Variants in PKNOX2 observed in about 807,000 individuals in gnomAD.
PKNOX2 encodes the protein PBX/knotted 1 homeobox 2.
Under a neutral mutation model 53.1 loss-of-function variants are expected in PKNOX2, and 14 were observed. The observed-to-expected ratio is 0.26, with a 90% CI of 0.17 to 0.41. The LOEUF (loss-of-function observed/expected upper bound fraction) is 0.41. Among genes scored for constraint, PKNOX2 ranks in the 10% least tolerant of loss-of-function variants. The probability of loss-of-function intolerance (pLI) is 1.00; values close to 1 mark genes in which losing one functional copy is unlikely to be tolerated. For synonymous variants in PKNOX2, 257 were observed against 242.8 expected, an observed-to-expected ratio of 1.06 and a Z score of -0.54; for missense variants, 496 against 602.8, an observed-to-expected ratio of 0.82 and a Z score of 1.85.
rs1174078935 is a variant in PKNOX2 at position 125,352,456 on chromosome 11, T to G, written c.87+1064T>G. Among the ~76,000 whole-genome samples, 3 of 152,178 alleles carry G rather than the reference T, an allele frequency of 2.0e-5. No homozygotes were observed. The highest frequency in any genetic ancestry group is 7.2e-5 in the African/African-American group (3 of 41,430). On this transcript the variant is annotated intron_variant, in intron 4 of 12. Transcript: ENST00000298282. The surrounding 1 kb of genome is among the most constrained non-coding windows in gnomAD (Gnocchi z 4.1). ...CTGCCATCCCTCACTCATTGGCATTTTCAAACACAGTGGTTCTCATGGGCC... is the reference window on the plus strand; with the variant it reads ...CTGCCATCCCTCACTCATTGGCATTGTCAAACACAGTGGTTCTCATGGGCC...
chr11:125,343,106 T>C (rs73618151), intron 3 of PKNOX2, among the ~76,000 whole-genome samples: 38,597 of 151,746 alleles, frequency 0.25, 11,746 homozygotes, highest in African/African-American at 0.73. Flanking sequence ...GCCTCCCTCC[T>C]GCCTCCATTC....
intron 5 of PKNOX2, among the ~76,000 whole-genome samples, chr11:125,377,719 T>C (rs1952924370): frequency 6.6e-6 from 1 of 152,160 alleles, no homozygotes; most frequent in South Asian, 2.1e-4. Context: ...ACACATAAAA[T>C]ACACTAATAC....
At chr11:125,404,650 C>T (rs1954966253) in intron 7 of PKNOX2, among the ~76,000 whole-genome samples, 1 of 151,962 alleles carries the variant, frequency 6.6e-6, no homozygotes, top group Admixed American at 6.6e-5. Flanking sequence ...ACACACACCA[C>T]CACACACAGG....
intron 2 of PKNOX2, among the ~76,000 whole-genome samples, chr11:125,254,667 G>T (rs1452916506): frequency 6.6e-6 from 1 of 152,166 alleles, no homozygotes; most frequent in Non-Finnish European, 1.5e-5. Context: ...TGTCATCCGA[G>T]CTGGGTCAAA....
rs147548259 is a variant in PKNOX2 at position 125,373,695 on chromosome 11, C to G, written c.227+5710C>G. On this transcript the variant is annotated intron_variant, in intron 5 of 12. Coordinates refer to ENST00000298282, the MANE Select transcript of PKNOX2 (RefSeq NM_001382323.2). Reference sequence around the variant, plus strand: ...GGTTTCCAGTCAAGTGGTCTTCACTCTACAATTCAATTAATTATGAACTGA... The same window carrying G: ...GGTTTCCAGTCAAGTGGTCTTCACTGTACAATTCAATTAATTATGAACTGA... 3.5e-3 allele frequency among the ~76,000 whole-genome samples: 531 copies of G among 152,274 alleles called. 3 individuals carry two copies. Among genetic ancestry groups the G allele is most frequent in the Non-Finnish European group, 4.7e-3 (321 of 68,030 alleles).
chr11:125,291,769 G>A (rs1947319060), intron 2 of PKNOX2, among the ~76,000 whole-genome samples: 1 of 152,156 alleles, frequency 6.6e-6, no homozygotes, highest in Admixed American at 6.5e-5. Context: ...CTATAGCATG[G>A]ATGAACCTTA....
chr11:125,421,264 A>G (rs597432), intron 10 of PKNOX2, among the ~76,000 whole-genome samples: 141,731 of 152,270 alleles, frequency 0.93, 66,407 homozygotes, highest in East Asian at 1. Context: ...GTGTCCAGGC[A>G]CTAGAATCAG....
chr11:125,308,498 T>G (rs774602736), intron 2 of PKNOX2, among the ~76,000 whole-genome samples: 1 of 152,190 alleles, frequency 6.6e-6, no homozygotes, highest in Non-Finnish European at 1.5e-5. Context: ...ATGGCCACCA[T>G]GATCTCTCCC....
chr11:125,212,206 C>T (rs1276814652), intron 1 of PKNOX2, among the ~76,000 whole-genome samples: 9 of 152,038 alleles, frequency 5.9e-5, no homozygotes. Flanking sequence ...TCCTTTGCAG[C>T]TGGTTAAGCA....
intron 7 of PKNOX2, among the ~76,000 whole-genome samples, chr11:125,398,923 G>A (rs935178341): frequency 6.6e-6 from 1 of 152,228 alleles, no homozygotes; most frequent in African/African-American, 2.4e-5. Flanking sequence ...GGGGATGCAG[G>A]TAAACTTTCT....
At chr11:125,425,958 G>A (rs1291817259) in intron 10 of PKNOX2, among the ~76,000 whole-genome samples, 4 of 152,202 alleles carry the variant, frequency 2.6e-5, no homozygotes, top group South Asian at 2.1e-4. Context: ...TGCACCAGGC[G>A]GTGGTTAGGG....
intron 1 of PKNOX2, among the ~76,000 whole-genome samples, chr11:125,177,433 G>A (rs1414015559): frequency 1.3e-5 from 2 of 152,204 alleles, no homozygotes; most frequent in African/African-American, 4.8e-5. Flanking sequence ...TTAGCAAAAT[G>A]TACCTGCTTT....
chr11:125,258,909 T>G (rs1944617197), intron 2 of PKNOX2: 1 of 377,990 alleles, frequency 2.6e-6, no homozygotes, highest in Admixed American at 3.1e-5. Context: ...AGCCTCAGCC[T>G]CAGCTCCAAC....
At chr11:125,308,000 C>T (rs953265259) in intron 2 of PKNOX2, among the ~76,000 whole-genome samples, 1 of 152,218 alleles carries the variant, frequency 6.6e-6, no homozygotes, top group Admixed American at 6.5e-5. Context: ...AGGCAAACAT[C>T]GAGGGGAGAG....
chr11:125,412,695 A>G (rs894199063), intron 10 of PKNOX2, among the ~76,000 whole-genome samples: 10 of 152,158 alleles, frequency 6.6e-5, no homozygotes, highest in Non-Finnish European at 1.0e-4. Context: ...GCGGGCTTCC[A>G]TTAGTCTGCG....
chr11:125,410,169 C>T, intron 7 of PKNOX2, 27 bp from the exon 8 acceptor site: 1 of 1,612,198 alleles, frequency 6.2e-7, no homozygotes, highest in Non-Finnish European at 8.5e-7. Flanking sequence ...GTGTCATTGT[C>T]ACAAACCACG....
chr11:125,293,323 G>T (rs1456514082), intron 2 of PKNOX2, among the ~76,000 whole-genome samples: 1 of 152,124 alleles, frequency 6.6e-6, no homozygotes, highest in East Asian at 1.9e-4. Context: ...ATGTATGTGG[G>T]CAGGTGGATG....
intron 2 of PKNOX2, among the ~76,000 whole-genome samples, chr11:125,331,108 T>C (rs557815331): frequency 7.9e-4 from 120 of 151,618 alleles, no homozygotes; most frequent in Admixed American, 2.4e-3. Context: ...GTTTGAGGAG[T>C]GTCCGGCCAG....
At chr11:125,361,176 A>G (rs1951905172) in intron 4 of PKNOX2, among the ~76,000 whole-genome samples, 1 of 152,246 alleles carries the variant, frequency 6.6e-6, no homozygotes, top group Admixed American at 6.5e-5. Context: ...TCTCTCTACC[A>G]GACACTGAGG....
Sources: allele counts gnomAD v4.1 joint callset (sites outside exome capture counted in the v4.1 genomes callset), GRCh38; gene constraint gnomAD v4.1.1; non-coding constraint Gnocchi (gnomAD v3.1); transcripts MANE v1.5; gene names NCBI Gene and HGNC (gene_info 2026-07-23, HGNC 2026-07-21).